Variants in FCHO2 observed in about 807,000 individuals in gnomAD.
FCHO2 encodes the protein F-BAR domain only protein 2.
A neutral mutation model predicts 114.1 loss-of-function variants in FCHO2; 43 were observed. The observed-to-expected ratio is 0.38, with a 90% CI of 0.30 to 0.49. FCHO2 has a LOEUF of 0.49. Among genes scored for constraint, FCHO2 ranks in the 20% least tolerant of loss-of-function variants. The pLI is 0.97. For synonymous variants in FCHO2, 293 were observed against 315.2 expected (o/e 0.93, Z 0.75); for missense variants, 807 against 950.4 (o/e 0.85, Z 1.98).
At chr5:72,970,761 A>C (rs537128639) in intron 2 of FCHO2, among the ~76,000 whole-genome samples, 20 of 152,232 alleles carry the variant, frequency 1.3e-4, no homozygotes, top group Non-Finnish European at 1.5e-5. Flanking sequence ...CAGGTTAGTT[A>C]CATATGTATA....
At chr5:72,971,945 T>G (rs924800535) in intron 2 of FCHO2, among the ~76,000 whole-genome samples, 7 of 151,638 alleles carry the variant, frequency 4.6e-5, no homozygotes, top group African/African-American at 1.2e-4. Flanking sequence ...CAGCACCATT[T>G]ATTAAATAGG....
intron 8 of FCHO2, among the ~76,000 whole-genome samples, chr5:73,023,646 G>A (rs1278194190): frequency 6.6e-6 from 1 of 151,562 alleles, no homozygotes; most frequent in Non-Finnish European, 1.5e-5. Context: ...GTTGCAGCGA[G>A]CTCAGATTGC....
chr5:72,982,724 A>C (rs562828195), intron 2 of FCHO2, among the ~76,000 whole-genome samples: 1 of 151,184 alleles, frequency 6.6e-6, no homozygotes, highest in Non-Finnish European at 1.5e-5. Context: ...GTTTTCTCCT[A>C]TGTTATCTTC....
intron 11 of FCHO2, among the ~76,000 whole-genome samples, chr5:73,041,685 AT>A (rs1327143066): frequency 6.6e-6 from 1 of 152,114 alleles, no homozygotes; most frequent in African/African-American, 2.4e-5. Flanking sequence ...TTGTGCGTGC[AT>A]TTGAGTTCAT....
At chr5:72,974,550 T>G (rs909941124) in intron 2 of FCHO2, among the ~76,000 whole-genome samples, 2 of 151,568 alleles carry the variant, frequency 1.3e-5, no homozygotes, top group Non-Finnish European at 2.9e-5. Context: ...GTTTTCCATT[T>G]GCTTGGTAGA....
Position 72,968,522 on chromosome 5 carries a change from G to A in FCHO2, c.58G>A (p.Val20Ile). ...GGGGGAAAAAAATAGTGGCTTTGAT[G>A]TCCTCTACCATAATATGAAACATGG... is the stretch of plus-strand genomic sequence containing the variant. Reference protein sequence around the residue: ...FWGEKNSGFDVLYHNMKHGQI... With the variant: ...FWGEKNSGFDILYHNMKHGQI... Residue 20 changes from valine to isoleucine, a missense_variant, in exon 2 of 26, where the codon GTC (valine) becomes ATC (isoleucine). Val to Ile is a conservative substitution (Grantham distance 29). Coordinates refer to ENST00000430046, the MANE Select transcript of FCHO2 (RefSeq NM_138782.3). The A allele has an allele frequency of 2.0e-6, 3 of 1,530,974 alleles. No homozygotes were observed. The highest frequency in any genetic ancestry group is 2.6e-6 in the Non-Finnish European group (3 of 1,147,492). The allele number at this position is 1,530,974 out of a possible 1,614,324, so 94.8% of individuals were successfully genotyped here.
At chr5:73,023,710 A>AG (rs1755760697) in intron 8 of FCHO2, among the ~76,000 whole-genome samples, 2 of 152,184 alleles carry the variant, frequency 1.3e-5, no homozygotes, top group African/African-American at 4.8e-5. Context: ...CAAAAAAAAA[A>AG]AAAAGTAATG....
intron 19 of FCHO2, among the ~76,000 whole-genome samples, chr5:73,069,684 G>A (rs949904357): frequency 1.3e-5 from 2 of 152,038 alleles, no homozygotes; most frequent in African/African-American, 4.8e-5. Flanking sequence ...CTTCTGTGCA[G>A]CTGGGTACTA....
At chr5:72,996,887 G>T in intron 5 of FCHO2, 1 of 1,501,776 alleles carries the variant, frequency 6.7e-7, no homozygotes, top group Admixed American at 2.0e-5. Flanking sequence ...GGCCGGCGGG[G>T]CCGGCAGAGC....
chr5:72,988,558 C>G (rs1296091226), intron 2 of FCHO2, among the ~76,000 whole-genome samples: 1 of 152,118 alleles, frequency 6.6e-6, no homozygotes, highest in Admixed American at 6.6e-5. Flanking sequence ...GGAATAAAAT[C>G]TCATATGCTA....
chr5:73,007,553 A>G (rs776993930), intron 6 of FCHO2, among the ~76,000 whole-genome samples: 8 of 152,204 alleles, frequency 5.3e-5, no homozygotes, highest in African/African-American at 7.2e-5. Flanking sequence ...TTTGGACTCT[A>G]TGTCTTCATT....
intron 2 of FCHO2, among the ~76,000 whole-genome samples, chr5:72,982,231 G>A (rs1422633052): frequency 5.3e-5 from 8 of 152,100 alleles, no homozygotes; most frequent in Admixed American, 5.2e-4. Context: ...CGCTCTCTGT[G>A]GGCTGCACCC....
intron 3 of FCHO2, 122 bp downstream of exon 3, chr5:72,989,623 CTG>C (rs1753718593): frequency 1.6e-6 from 1 of 623,586 alleles, no homozygotes; most frequent in Non-Finnish European, 2.7e-6. Context: ...TTAAAAGTAT[CTG>C]TAAATATTAA....
chr5:72,989,643 T>A (rs1753719171), intron 3 of FCHO2, 142 bp downstream of exon 3: 1 of 578,812 alleles, frequency 1.7e-6, no homozygotes, highest in African/African-American at 1.9e-5. Flanking sequence ...TAATATATTC[T>A]TCACTTGATA....
At chr5:72,968,872 A>G (rs894129857) in intron 2 of FCHO2, among the ~76,000 whole-genome samples, 1 of 152,184 alleles carries the variant, frequency 6.6e-6, no homozygotes, top group Non-Finnish European at 1.5e-5. Context: ...GATATAATAC[A>G]GTTGAGAAGT....
chr5:73,053,727 C>T (rs964292083), intron 13 of FCHO2, among the ~76,000 whole-genome samples: 8 of 149,654 alleles, frequency 5.3e-5, no homozygotes, highest in Non-Finnish European at 1.0e-4. Context: ...TGAATATATA[C>T]GAAGTATGAG....
At chr5:72,973,566 T>C (rs1752688986) in intron 2 of FCHO2, among the ~76,000 whole-genome samples, 1 of 151,824 alleles carries the variant, frequency 6.6e-6, no homozygotes, top group Non-Finnish European at 1.5e-5. Context: ...TATCATTTTT[T>C]ATTGCGTCTA....
intron 2 of FCHO2, among the ~76,000 whole-genome samples, chr5:72,985,707 A>G (rs1167242576): frequency 3.3e-5 from 5 of 152,128 alleles, no homozygotes; most frequent in African/African-American, 7.2e-5. Flanking sequence ...GATGTTAGCT[A>G]TCAGTCTAGT....
At chr5:73,068,950 C>T (rs1461948263) in intron 19 of FCHO2, among the ~76,000 whole-genome samples, 171 bp downstream of exon 19, 2 of 152,082 alleles carry the variant, frequency 1.3e-5, no homozygotes, top group Admixed American at 6.6e-5. Context: ...TTCTGTTTCA[C>T]AGTCTATGTT....
Sources: allele counts gnomAD v4.1 joint callset (sites outside exome capture counted in the v4.1 genomes callset), GRCh38; gene constraint gnomAD v4.1.1; transcripts MANE v1.5; gene names NCBI Gene and HGNC (gene_info 2026-07-23, HGNC 2026-07-21).